The following PRAG1 variants were observed in gnomAD, a reference collection of about 807,000 sequenced individuals.
PRAG1 encodes the protein inactive tyrosine-protein kinase PRAG1.
In PRAG1, 110 loss-of-function variants were observed where a neutral mutation model predicts 95.6. The ratio of observed to expected loss-of-function variants is 1.15; its 90% CI spans 0.99 to 1.35. The LOEUF is 1.35. Among genes scored for constraint, PRAG1 ranks in the 40% most tolerant of loss-of-function variants. PRAG1 has a pLI of 0.00. For missense variants in PRAG1, 2,554 were observed against 1,864.7 expected, an observed-to-expected ratio of 1.37 and a Z score of -6.81; for synonymous variants, 1,052 against 819.4, an observed-to-expected ratio of 1.28 and a Z score of -4.85.
chr8:8,358,540 G>T (rs532037145), intron 3 of PRAG1, among the ~76,000 whole-genome samples: 7 of 152,286 alleles, frequency 4.6e-5, no homozygotes, highest in African/African-American at 1.4e-4. Flanking sequence ...TGACCAAGGG[G>T]CTGCCAGCCC....
In PRAG1 at chr8:8,381,088, A is replaced by G. The variant is rs574884864; in HGVS notation, c.330+330T>C. Among the ~76,000 whole-genome samples, 160 of 152,260 alleles carry G rather than the reference A, an allele frequency of 1.1e-3. 1 individual carries two copies. The highest frequency in any genetic ancestry group is 1.6e-3 in the Non-Finnish European group (109 of 68,014). On this transcript the variant is annotated intron_variant, in intron 2 of 5. Transcript: ENST00000615670. ...GGTGCATGCAATTCACTTTGCAATT[A>G]TTGCTACTTGTATATATATTTAAAA... is the stretch of plus-strand genomic sequence containing the variant.
chr8:8,367,383 G>A (rs866206182), intron 3 of PRAG1, among the ~76,000 whole-genome samples: 8 of 132,146 alleles, frequency 6.1e-5, no homozygotes, highest in Admixed American at 8.8e-5. Context: ...GCTTGAACCC[G>A]GGAGGCAGAG....
At chr8:8,374,678 G>A (rs1585273873) in intron 3 of PRAG1, 1 of 985,304 alleles carries the variant, frequency 1.0e-6, no homozygotes, top group Non-Finnish European at 1.2e-6. Flanking sequence ...ATTCATTCGG[G>A]GACTACACGC....
chr8:8,371,306 G>T (rs1340753272), intron 3 of PRAG1, among the ~76,000 whole-genome samples: 1 of 151,800 alleles, frequency 6.6e-6, no homozygotes, highest in African/African-American at 2.4e-5. Flanking sequence ...TGTCGCCCAG[G>T]CTGGAGCTCA....
chr8:8,343,876 A>G (rs577626256), intron 3 of PRAG1, among the ~76,000 whole-genome samples: 1 of 152,332 alleles, frequency 6.6e-6, no homozygotes, highest in East Asian at 1.9e-4. Flanking sequence ...AATGCAAGCC[A>G]TATATGTAAT....
rs777068340 is a variant in PRAG1, at chr8:8,377,327, A to C, written c.1082T>G (p.Leu361Arg). The C allele has an allele frequency of 6.8e-6, 11 of 1,609,650 alleles. No homozygotes were observed. Among genetic ancestry groups the C allele is most frequent in the Non-Finnish European group, 9.3e-6 (11 of 1,178,772 alleles). ...SGASSPFVPH[L>R]ESDYCSLMKE... Reference sequence around the variant, plus strand: ...CATGAGGGAGCAGTAATCACTCTCGAGGTGGGGGACGAAGGGGCTACTGGC... The same window carrying C: ...CATGAGGGAGCAGTAATCACTCTCGCGGTGGGGGACGAAGGGGCTACTGGC... Residue 361 changes from leucine to arginine, a missense_variant, in exon 3 of 6, where the codon CTC becomes CGC. By Grantham distance (102) the Leu-to-Arg change is moderately radical. Coordinates refer to ENST00000615670, the MANE Select transcript of PRAG1 (RefSeq NM_001080826.3).
chr8:8,374,450 G>A (rs556822271), intron 3 of PRAG1: 30 of 157,376 alleles, frequency 1.9e-4, no homozygotes, highest in African/African-American at 6.0e-4. Flanking sequence ...CAGGAGGAGC[G>A]TAGACTTAGG....
chr8:8,318,197 G>T lies in PRAG1; in HGVS notation c.4178C>A (p.Pro1393His). Residue 1393 changes from proline to histidine, a missense_variant, in exon 6 of 6, where the codon CCC becomes CAC. Pro to His is a moderately conservative substitution (Grantham distance 77). Coordinates refer to ENST00000615670, the MANE Select transcript of PRAG1 (RefSeq NM_001080826.3). The surrounding 1 kb of genome is among the most constrained non-coding windows in gnomAD (Gnocchi z 4.2). ...CTTCAGCGACTGTAAGAGGGCCCCGGGCTCCGCAGACGCCAGGTACTGGCA... is the reference window on the plus strand; with the variant it reads ...CTTCAGCGACTGTAAGAGGGCCCCGTGCTCCGCAGACGCCAGGTACTGGCA... ...LCCQYLASAE[P>H]GALLQSLKLL... 6.2e-7 allele frequency: 1 copy of T among 1,614,056 alleles called. No homozygotes were observed. The highest frequency in any genetic ancestry group is 1.7e-5 in the Admixed American group (1 of 60,030).
intron 2 of PRAG1, 27 bp from the exon 3 acceptor site, chr8:8,378,105 C>G (rs1800496900): frequency 6.6e-7 from 1 of 1,511,444 alleles, no homozygotes; most frequent in Admixed American, 2.3e-5. Flanking sequence ...CGCAAAAAGA[C>G]TTATATTAGA....
At chr8:8,322,430 G>C (rs928497997) in intron 5 of PRAG1, among the ~76,000 whole-genome samples, 2 of 152,016 alleles carry the variant, frequency 1.3e-5, no homozygotes, top group African/African-American at 4.8e-5. Context: ...GATCCAGCTT[G>C]GGCCATTTTA....
intron 3 of PRAG1, among the ~76,000 whole-genome samples, chr8:8,370,749 C>T (rs1166940295): frequency 6.6e-6 from 1 of 152,190 alleles, no homozygotes; most frequent in African/African-American, 2.4e-5. Context: ...GAAGTCATGT[C>T]AGTTCCTCTG....
chr8:8,344,006 T>C (rs563272769), intron 3 of PRAG1, among the ~76,000 whole-genome samples: 85 of 152,236 alleles, frequency 5.6e-4, no homozygotes, highest in African/African-American at 1.7e-3. Flanking sequence ...CAGTAATCAG[T>C]ATAACCTATA....
intron 3 of PRAG1, among the ~76,000 whole-genome samples, chr8:8,375,567 T>G (rs980180638): frequency 2.6e-5 from 4 of 152,188 alleles, no homozygotes; most frequent in Admixed American, 2.6e-4. Flanking sequence ...TCTTTTCTGC[T>G]TTTGGCCCCA....
chr8:8,353,290 T>C (rs527987800), intron 3 of PRAG1, among the ~76,000 whole-genome samples: 32 of 152,128 alleles, frequency 2.1e-4, no homozygotes, highest in African/African-American at 6.8e-4. Flanking sequence ...TTTTCCAGGA[T>C]AGACCACATG....
At chr8:8,362,630 C>G (rs1342738082) in intron 3 of PRAG1, among the ~76,000 whole-genome samples, 1 of 152,212 alleles carries the variant, frequency 6.6e-6, no homozygotes, top group African/African-American at 2.4e-5. Flanking sequence ...GAAATAAATG[C>G]TTATTCCTCG....
intron 4 of PRAG1, among the ~76,000 whole-genome samples, chr8:8,331,586 A>G (rs963523770): frequency 5.9e-5 from 9 of 152,172 alleles, no homozygotes; most frequent in African/African-American, 2.2e-4. Flanking sequence ...TTCTATGTCT[A>G]GTTCACACAA....
chr8:8,373,256 C>G (rs1585272317), intron 3 of PRAG1, among the ~76,000 whole-genome samples: 1 of 152,178 alleles, frequency 6.6e-6, no homozygotes. Flanking sequence ...AGCGGAGGTA[C>G]TGAGTTCCAG....
intron 3 of PRAG1, among the ~76,000 whole-genome samples, chr8:8,357,517 C>T (rs890928119): frequency 4.6e-5 from 7 of 152,092 alleles, no homozygotes; most frequent in African/African-American, 1.7e-4. Flanking sequence ...AGGATGGGTA[C>T]TATAAAAAAC....
rs2116932151 is a variant in PRAG1, at chr8:8,376,405, G to T, written c.2004C>A (p.Ser668=). The change falls in exon 3 of 6, where the codon TCC becomes TCA. Residue 668 remains serine, a synonymous_variant. Transcript: ENST00000615670. ...TKNGPTDHSN[S]TTWHRLHPTD... is the part of the protein sequence containing the mutation. ...TGGGGTGGAGACGGTGCCAGGTCGT[G>T]GAGTTTGAATGGTCCGTGGGGCCAT... 3.7e-6 allele frequency: 6 copies of T among 1,614,222 alleles called. No individual in the cohort carries two copies. The South Asian group carries it at 4.4e-5, about 12-fold the overall frequency.
Sources: gnomAD v4.1 joint callset for allele counts (sites outside exome capture counted in the v4.1 genomes callset) on GRCh38, gnomAD v4.1.1 for gene constraint, Gnocchi (gnomAD v3.1) non-coding constraint, MANE v1.5 for transcripts, NCBI Gene and HGNC (gene_info 2026-07-23, HGNC 2026-07-21) for gene names.